RPRD2: variants seen among roughly 807,000 people sequenced by gnomAD.
RPRD2 encodes the protein regulation of nuclear pre-mRNA domain containing 2.
A neutral mutation model predicts 104.4 loss-of-function variants in RPRD2; 12 were observed. The observed-to-expected ratio is 0.11, with a 90% CI of 0.07 to 0.19. The LOEUF is 0.19. Ranked by LOEUF, RPRD2 falls within the 10% of genes least tolerant of loss-of-function variation. The probability of loss-of-function intolerance (pLI) is 1.00; values close to 1 mark genes in which losing one functional copy is unlikely to be tolerated. For synonymous variants in RPRD2, 714 were observed against 684.9 expected (o/e 1.04, Z -0.66); for missense variants, 1,543 against 1,790.1 (o/e 0.86, Z 2.49).
chr1:150,390,714 T>C (rs1172634573), intron 1 of RPRD2, among the ~76,000 whole-genome samples: 1 of 152,156 alleles, frequency 6.6e-6, no homozygotes, highest in African/African-American at 2.4e-5. Context: ...GGAGAATTCA[T>C]GAACTGAAAG....
At chr1:150,431,105 G>A (rs1665536555) in intron 2 of RPRD2, among the ~76,000 whole-genome samples, 1 of 152,034 alleles carries the variant, frequency 6.6e-6, no homozygotes, top group African/African-American at 2.4e-5. Flanking sequence ...CATCTACTAG[G>A]GTAACTATAA....
At chr1:150,443,674 A>G (rs1666553693) in intron 5 of RPRD2, among the ~76,000 whole-genome samples, 1 of 152,158 alleles carries the variant, frequency 6.6e-6, no homozygotes, top group Non-Finnish European at 1.5e-5. Flanking sequence ...CTGTATCCAT[A>G]AATTAGCTTT....
At chr1:150,408,415 A>T (rs1340235733) in intron 1 of RPRD2, among the ~76,000 whole-genome samples, 2 of 151,986 alleles carry the variant, frequency 1.3e-5, no homozygotes, top group African/African-American at 4.8e-5. Flanking sequence ...CGGCCTCCCA[A>T]AGTGCTGGGA....
At chr1:150,412,278 A>G (rs1663998951) in intron 1 of RPRD2, among the ~76,000 whole-genome samples, 1 of 152,218 alleles carries the variant, frequency 6.6e-6, no homozygotes, top group Non-Finnish European at 1.5e-5. Flanking sequence ...GCATTTTCCC[A>G]GATTACCTCA....
chr1:150,455,202 T>C (rs1667442960), intron 7 of RPRD2, among the ~76,000 whole-genome samples: 1 of 151,986 alleles, frequency 6.6e-6, no homozygotes, highest in South Asian at 2.1e-4. Context: ...GTCAAGATCG[T>C]CAAAACCAGT....
intron 1 of RPRD2, among the ~76,000 whole-genome samples, chr1:150,373,911 G>A (rs1317169187): frequency 6.6e-6 from 1 of 152,098 alleles, no homozygotes; most frequent in Non-Finnish European, 1.5e-5. Context: ...GAGGTCCAGA[G>A]AGAAGGCTAT....
At chr1:150,434,351 CTATG>C (rs1665854145) in intron 2 of RPRD2, among the ~76,000 whole-genome samples, 1 of 151,768 alleles carries the variant, frequency 6.6e-6, no homozygotes, top group Non-Finnish European at 1.5e-5. Flanking sequence ...GCAAGACTGT[CTATG>C]TATATATATA....
At chr1:150,468,572 A>T (rs1668424807) in intron 10 of RPRD2, among the ~76,000 whole-genome samples, 4 of 151,678 alleles carry the variant, frequency 2.6e-5, no homozygotes, top group Admixed American at 2.6e-4. Context: ...TTGTGAGAAC[A>T]GTGATTACTA....
At chr1:150,388,725 G>C (rs1661833119) in intron 1 of RPRD2, among the ~76,000 whole-genome samples, 1 of 150,860 alleles carries the variant, frequency 6.6e-6, no homozygotes, top group Admixed American at 6.6e-5. Context: ...TTGTGCCTCA[G>C]CCTCCTGAGT....
chr1:150,430,532 G>A (rs1332201150), intron 2 of RPRD2, among the ~76,000 whole-genome samples: 1 of 152,152 alleles, frequency 6.6e-6, no homozygotes, highest in East Asian at 1.9e-4. Context: ...CAGGTGTGGT[G>A]GTGTGTACTT....
chr1:150,472,990 G>A lies in RPRD2; in HGVS notation c.4042G>A (p.Asp1348Asn). 1.2e-6 allele frequency: 2 copies of A among 1,613,984 alleles called. No individual in the cohort carries two copies. The highest frequency in any genetic ancestry group is 1.6e-4 in the Middle Eastern group (1 of 6,062). ...EHFGVLPGPRDHGGPTQRDLN... is the reference protein window; with the variant it reads ...EHFGVLPGPRNHGGPTQRDLN... Reference sequence around the variant, plus strand: ...TTTTGGGGTACTCCCAGGACCCAGGGACCACGGGGGCCCCACCCAACGGGA... The same window carrying A: ...TTTTGGGGTACTCCCAGGACCCAGGAACCACGGGGGCCCCACCCAACGGGA... The change falls in exon 11 of 11, where the codon GAC becomes AAC. Residue 1348 changes from aspartate to asparagine, a missense_variant. Around this residue, in one of 4 missense-constraint regions of RPRD2, gnomAD observed 880 missense variants for 885.6 expected, o/e 0.99. Transcript: ENST00000369068.
intron 9 of RPRD2, among the ~76,000 whole-genome samples, chr1:150,462,911 G>C (rs1668031908): frequency 6.6e-6 from 1 of 152,088 alleles, no homozygotes. Flanking sequence ...TGGAGTGCAG[G>C]GGTGCAGTCA....
chr1:150,458,716 T>C (rs1667716525), intron 8 of RPRD2, among the ~76,000 whole-genome samples: 2 of 152,132 alleles, frequency 1.3e-5, no homozygotes, highest in South Asian at 4.1e-4. Context: ...CTTGGCTCAC[T>C]GCATCCTCCA....
intron 3 of RPRD2, chr1:150,441,230 T>C (rs1271461018): frequency 4.5e-6 from 2 of 439,940 alleles, no homozygotes; most frequent in African/African-American, 4.1e-5. Flanking sequence ...GGTCGGATTT[T>C]GTTTTTTAGT....
chr1:150,440,248 C>A (rs1418013686), intron 2 of RPRD2, among the ~76,000 whole-genome samples: 2 of 151,934 alleles, frequency 1.3e-5, no homozygotes, highest in African/African-American at 2.4e-5. Context: ...CTCAGGCAAT[C>A]CATCCACTAC....
rs1668662425 is a variant in RPRD2, at chr1:150,472,581, G to T, written c.3633G>T (p.Gly1211=). Residue 1211 remains glycine, a synonymous_variant, in exon 11 of 11, where the codon GGG becomes GGT. Transcript: ENST00000369068. ...CACCCTTCCAGAGAGAGCCAGTGGG[G>T]CCATCATCTGCCCCACCTGTCCCTC... The part of the protein sequence containing the change: ...HGTPFQREPV[G]PSSAPPVPPK... 6.2e-7 allele frequency: 1 copy of T among 1,613,776 alleles called. No individual in the cohort carries two copies. Among genetic ancestry groups the T allele is most frequent in the South Asian group, 1.1e-5 (1 of 91,080 alleles).
chr1:150,423,367 T>TCACA (rs1250601487), intron 2 of RPRD2, among the ~76,000 whole-genome samples: 4 of 152,190 alleles, frequency 2.6e-5, no homozygotes, highest in African/African-American at 9.6e-5. Flanking sequence ...CAGGATGGTG[T>TCACA]AAGAGTAGGT....
At chr1:150,456,925 CA>C (rs11352805) in intron 7 of RPRD2, among the ~76,000 whole-genome samples, 8,212 of 138,310 alleles carry the variant, frequency 0.059, 584 homozygotes, top group African/African-American at 0.17. Flanking sequence ...AATTCCTTCT[CA>C]AAAAAAAAAA....
intron 2 of RPRD2, among the ~76,000 whole-genome samples, chr1:150,433,924 T>TAC (rs71667950): frequency 0.011 from 1,529 of 141,720 alleles, 3 homozygotes; most frequent in Admixed American, 0.017. Context: ...ATAGTGTGTA[T>TAC]ACACACACAC....
Sources: gnomAD v4.1 joint callset for allele counts (sites outside exome capture counted in the v4.1 genomes callset) on GRCh38, gnomAD v4.1.1 for gene constraint, gnomAD v4.1.1 regional missense constraint, MANE v1.5 for transcripts, NCBI Gene and HGNC (gene_info 2026-07-23, HGNC 2026-07-21) for gene names.